Variants in SRRM3 observed in about 807,000 individuals in gnomAD.
SRRM3 encodes the protein serine/arginine repetitive matrix 3, also known as serine/arginine repetitive matrix protein 3.
SRRM3 carries 27 observed loss-of-function variants against 66.2 expected under a neutral mutation model. That is an observed-to-expected ratio of 0.41 (90% CI 0.30 to 0.56). The LOEUF is 0.56. Among genes scored for constraint, SRRM3 ranks in the 20% least tolerant of loss-of-function variants. The pLI is 0.32. For synonymous variants in SRRM3, 391 were observed against 414.9 expected (o/e 0.94, Z 0.70); for missense variants, 918 against 991.9 (o/e 0.93, Z 1.00).
chr7:76,276,065 G>A (rs1025625142), intron 11 of SRRM3, among the ~76,000 whole-genome samples: 1 of 150,788 alleles, frequency 6.6e-6, no homozygotes, highest in African/African-American at 2.5e-5. Flanking sequence ...GGGCAGCAGA[G>A]CCAGACCCCC....
At chr7:76,205,469 C>G (rs1800272070) in intron 1 of SRRM3, among the ~76,000 whole-genome samples, 1 of 152,212 alleles carries the variant, frequency 6.6e-6, no homozygotes, top group Non-Finnish European at 1.5e-5. Context: ...CTCAGCCTCC[C>G]CAAGTGTTAG....
At chr7:76,215,381 T>C (rs2116947948) in intron 1 of SRRM3, among the ~76,000 whole-genome samples, 1 of 149,310 alleles carries the variant, frequency 6.7e-6, no homozygotes, top group Non-Finnish European at 1.5e-5. Context: ...GGGCTGGGAG[T>C]TAGGAGCCCG....
In SRRM3 at chr7:76,221,597, T is replaced by C. The variant is rs144005376; in HGVS notation, c.-39-13431T>C. On this transcript the variant is annotated intron_variant, in intron 1 of 14. Transcript: ENST00000611745. The stretch of plus-strand genomic sequence containing the variant: ...CAGAATGGTCTCGATTTCCTGACCT[T>C]GTGATCCACCCGCCTCGGCCCCCCA... 8.5e-3 allele frequency among the ~76,000 whole-genome samples: 1,256 copies of C among 147,830 alleles called. 22 individuals carry two copies. Among genetic ancestry groups the C allele is most frequent in the African/African-American group, 0.03 (1,180 of 39,926 alleles).
chr7:76,276,282 C>T (rs1193505482), intron 11 of SRRM3, among the ~76,000 whole-genome samples: 2 of 152,146 alleles, frequency 1.3e-5, no homozygotes, highest in African/African-American at 4.8e-5. Flanking sequence ...CAGGCCCCAT[C>T]TGGATGTCCA....
chr7:76,214,941 G>A lies in SRRM3; in HGVS notation c.-40+12874G>A, dbSNP rs559677390. On this transcript the variant is annotated intron_variant, in intron 1 of 14. Coordinates refer to ENST00000611745, the MANE Select transcript of SRRM3 (RefSeq NM_001110199.3). ...TTTCCTTCCTCCATCCCCAAGGGCT[G>A]TAAAGACCTCAGAGGGAGAGAGATC... Among the ~76,000 whole-genome samples the A allele has an allele frequency of 9.9e-5, 15 of 151,034 alleles. 1 individual carries two copies. In the South Asian group the frequency reaches 2.9e-3, roughly 29 times the overall value.
intron 3 of SRRM3, among the ~76,000 whole-genome samples, chr7:76,255,476 G>T (rs1801692333): frequency 6.6e-6 from 1 of 151,370 alleles, no homozygotes; most frequent in Non-Finnish European, 1.5e-5. Context: ...GGGTCTCGCT[G>T]TGTCACTCAA....
In SRRM3 at chr7:76,285,951, A is replaced by G; in HGVS notation, c.*108A>G. ...ATATCTCCTTGCCCCCAAGGCTACAAAGAGGTCTCAGGGCCAGTGCACGGG... is the reference window on the plus strand; with the variant it reads ...ATATCTCCTTGCCCCCAAGGCTACAGAGAGGTCTCAGGGCCAGTGCACGGG... On this transcript the variant is annotated 3_prime_UTR_variant, in exon 15 of 15. Coordinates refer to ENST00000611745, the MANE Select transcript of SRRM3 (RefSeq NM_001110199.3). The surrounding 1 kb of genome is among the most constrained non-coding windows in gnomAD (Gnocchi z 4.1). The G allele has an allele frequency of 3.2e-6, 4 of 1,253,052 alleles. No individual in the cohort carries two copies. Among genetic ancestry groups the G allele is most frequent in the South Asian group, 1.5e-5 (1 of 64,632 alleles). 77.6% of individuals were successfully genotyped at this position (1,253,052 alleles called of 1,614,324 possible).
At chr7:76,236,780 G>C (rs1185878995) in intron 2 of SRRM3, among the ~76,000 whole-genome samples, 5 of 152,204 alleles carry the variant, frequency 3.3e-5, no homozygotes, top group African/African-American at 1.2e-4. Context: ...CTTGCAGAGA[G>C]GGATGGATGG....
At chr7:76,237,648 G>C (rs1263832043) in intron 2 of SRRM3, among the ~76,000 whole-genome samples, 1 of 152,062 alleles carries the variant, frequency 6.6e-6, no homozygotes, top group Non-Finnish European at 1.5e-5. Flanking sequence ...GTCAAGGAGG[G>C]AGGGGAGTGT....
intron 5 of SRRM3, 86 bp downstream of exon 5, chr7:76,260,283 G>C: frequency 1.0e-6 from 1 of 1,001,694 alleles, no homozygotes; most frequent in Non-Finnish European, 1.4e-6. Flanking sequence ...CAACCATGCA[G>C]CATTTGTGAG....
At chr7:76,233,640 G>T (rs983337654) in intron 1 of SRRM3, among the ~76,000 whole-genome samples, 1 of 152,102 alleles carries the variant, frequency 6.6e-6, no homozygotes, top group African/African-American at 2.4e-5. Context: ...AACAGCTTTG[G>T]TCTCTGAGTC....
intron 2 of SRRM3, 100 bp from the exon 3 acceptor site, chr7:76,248,088 T>G (rs1376478066): frequency 1.1e-6 from 1 of 870,514 alleles, no homozygotes; most frequent in East Asian, 2.6e-5. Flanking sequence ...GAGTGTGCAC[T>G]TGTGACCCAG....
chr7:76,232,502 G>A (rs749394036), intron 1 of SRRM3, among the ~76,000 whole-genome samples: 4 of 152,090 alleles, frequency 2.6e-5, no homozygotes, highest in Non-Finnish European at 5.9e-5. Flanking sequence ...AACCCAGGAG[G>A]TGGAGGTTGC....
chr7:76,212,297 C>T (rs782351908), intron 1 of SRRM3, among the ~76,000 whole-genome samples: 9 of 150,838 alleles, frequency 6.0e-5, no homozygotes, highest in Non-Finnish European at 8.8e-5. Context: ...CACAGGTGCA[C>T]GCCACCATGC....
chr7:76,242,989 G>C (rs1801348133), intron 2 of SRRM3, among the ~76,000 whole-genome samples: 1 of 152,134 alleles, frequency 6.6e-6, no homozygotes, highest in Non-Finnish European at 1.5e-5. Context: ...CTGTAATAGA[G>C]TGAGAACTCA....
chr7:76,211,556 T>C (rs1800431704), intron 1 of SRRM3, among the ~76,000 whole-genome samples: 1 of 152,056 alleles, frequency 6.6e-6, no homozygotes, highest in African/African-American at 2.4e-5. Flanking sequence ...CGGTTTTGAT[T>C]TGGACAGATG....
intron 3 of SRRM3, among the ~76,000 whole-genome samples, chr7:76,259,517 C>T (rs1801800003): frequency 6.6e-6 from 1 of 151,030 alleles, no homozygotes; most frequent in Admixed American, 6.6e-5. Context: ...TTCAAGGCTG[C>T]AGTGAGCTAT....
chr7:76,207,550 G>A (rs1318394928), intron 1 of SRRM3, among the ~76,000 whole-genome samples: 14 of 152,042 alleles, frequency 9.2e-5, no homozygotes, highest in African/African-American at 3.1e-4. Context: ...ACTCTATCAT[G>A]AGCATTCTCT....
intron 11 of SRRM3, among the ~76,000 whole-genome samples, chr7:76,276,088 AT>A (rs566422620): frequency 1.9e-3 from 185 of 99,018 alleles, no homozygotes; most frequent in African/African-American, 0.015. Flanking sequence ...CTCAAAAAAT[AT>A]ATATATATAT....
Sources: gnomAD v4.1 joint callset for allele counts (sites outside exome capture counted in the v4.1 genomes callset) on GRCh38, gnomAD v4.1.1 for gene constraint, Gnocchi (gnomAD v3.1) non-coding constraint, MANE v1.5 for transcripts, NCBI Gene and HGNC (gene_info 2026-07-23, HGNC 2026-07-21) for gene names.